Variants in TECTA observed in about 807,000 individuals in gnomAD.
TECTA encodes tectorin alpha.
A neutral mutation model predicts 216.8 loss-of-function variants in TECTA; 128 were observed. The ratio of observed to expected loss-of-function variants is 0.59; its 90% CI spans 0.51 to 0.68. The LOEUF (loss-of-function observed/expected upper bound fraction) is 0.68, where lower values mean the gene tolerates loss of function less well. Ranked by LOEUF, TECTA falls within the 30% of genes least tolerant of loss-of-function variation. The pLI is 0.00. For missense variants in TECTA, 2,551 were observed against 2,786.2 expected, an observed-to-expected ratio of 0.92 and a Z score of 1.90; for synonymous variants, 1,089 against 1,117.1, an observed-to-expected ratio of 0.97 and a Z score of 0.50.
chr11:121,115,626 C>T (rs572082991), intron 6 of TECTA, among the ~76,000 whole-genome samples: 5 of 152,100 alleles, frequency 3.3e-5, no homozygotes, highest in Admixed American at 6.5e-5. Flanking sequence ...TCTTTCTTGG[C>T]TCAGATTCAA....
intron 4 of TECTA, 170 bp downstream of exon 4, chr11:121,109,668 G>A: frequency 1.4e-6 from 1 of 730,456 alleles, no homozygotes; most frequent in East Asian, 2.7e-5. Context: ...AACTATCACA[G>A]TTAACCAGCC....
At chr11:121,147,800 AG>A (rs960709180) in intron 12 of TECTA, among the ~76,000 whole-genome samples, 2 of 152,166 alleles carry the variant, frequency 1.3e-5, no homozygotes, top group African/African-American at 2.4e-5. Flanking sequence ...TACTGCTCCC[AG>A]GGTGGCTGGG....
chr11:121,113,331 G>A lies in TECTA; in HGVS notation c.624+122G>A. On this transcript the variant is annotated intron_variant, in intron 5 of 23. Transcript: ENST00000392793. The surrounding 1 kb of genome is among the most constrained non-coding windows in gnomAD (Gnocchi z 4.2). ...TAACTAGAGACGCAGGTCTGATCTC[G>A]CAGGTGGACTACGAGGCTAGTCCTG... 7.7e-6 allele frequency: 12 copies of A among 1,558,358 alleles called. No individual in the cohort carries two copies. The highest frequency in any genetic ancestry group is 1.1e-5 in the Non-Finnish European group (12 of 1,141,108).
chr11:121,169,808 A>G (rs912857263), intron 20 of TECTA, among the ~76,000 whole-genome samples: 2 of 152,166 alleles, frequency 1.3e-5, no homozygotes, highest in African/African-American at 4.8e-5. Context: ...TAGTGCTCAG[A>G]TCAGGGAATT....
At chr11:121,117,750 G>A (rs1439423562) in intron 6 of TECTA, among the ~76,000 whole-genome samples, 1 of 152,140 alleles carries the variant, frequency 6.6e-6, no homozygotes, top group Non-Finnish European at 1.5e-5. Flanking sequence ...GCAAGAAAGT[G>A]GTCAGTGCTT....
chr11:121,146,173 G>A (rs1343534891), intron 12 of TECTA, 57 bp downstream of exon 12: 3 of 1,590,286 alleles, frequency 1.9e-6, no homozygotes, highest in East Asian at 2.2e-5. Context: ...ATTGCTCTGG[G>A]AAGGCCAGTC....
Position 121,162,359 on chromosome 11 carries a change from A to C in TECTA, c.5261A>C (p.Lys1754Thr). Residue 1754 changes from lysine to threonine, a missense_variant, in exon 16 of 24, where the codon AAG becomes ACG. Lys to Thr is a moderately conservative substitution (Grantham distance 78). Transcript: ENST00000392793. ...ATCCTTAGCACCGAGTGGATTGAGA[A>C]GGAGAATTGCTGTAAGAGAATTATT... Reference protein sequence around the residue: ...FGILSTEWIEKENCSGVVEDP... With the variant: ...FGILSTEWIETENCSGVVEDP... The C allele has an allele frequency of 6.2e-7, 1 of 1,613,216 alleles. No homozygotes were observed. Among genetic ancestry groups the C allele is most frequent in the Non-Finnish European group, 8.5e-7 (1 of 1,180,038 alleles).
intron 3 of TECTA, among the ~76,000 whole-genome samples, chr11:121,108,277 C>T (rs1422381315): frequency 6.6e-6 from 1 of 151,778 alleles, no homozygotes; most frequent in Non-Finnish European, 1.5e-5. Context: ...ATGCCACCCC[C>T]AGTACACACA....
At chr11:121,137,204 ACG>A in intron 10 of TECTA, among the ~76,000 whole-genome samples, 2 of 152,142 alleles carry the variant, frequency 1.3e-5, no homozygotes, top group Admixed American at 1.3e-4. Context: ...ACGTACACAC[ACG>A]CACTCGCACA....
At chr11:121,102,962 C>T (rs1946360497) in intron 2 of TECTA, among the ~76,000 whole-genome samples, 1 of 152,224 alleles carries the variant, frequency 6.6e-6, no homozygotes, top group South Asian at 2.1e-4. Context: ...TATGTACCAG[C>T]TTGCCCTGTG....
At chr11:121,172,414 C>A (rs1234128964) in intron 20 of TECTA, among the ~76,000 whole-genome samples, 2 of 151,896 alleles carry the variant, frequency 1.3e-5, no homozygotes, top group African/African-American at 4.9e-5. Flanking sequence ...GTCCAGTTCC[C>A]ACCTATGAGT....
At chr11:121,104,409 G>A (rs747196173) in intron 2 of TECTA, among the ~76,000 whole-genome samples, 3 of 152,000 alleles carry the variant, frequency 2.0e-5, no homozygotes, top group South Asian at 4.2e-4. Context: ...CCTCAAATTC[G>A]GGCTGCTTCT....
At chr11:121,153,523 A>G (rs1476260961) in intron 13 of TECTA, among the ~76,000 whole-genome samples, 1 of 152,118 alleles carries the variant, frequency 6.6e-6, no homozygotes, top group African/African-American at 2.4e-5. Flanking sequence ...CTGGAGGCTG[A>G]GTGGGGCGGA....
intron 7 of TECTA, among the ~76,000 whole-genome samples, chr11:121,122,699 C>T (rs1264809317): frequency 9.4e-6 from 1 of 106,620 alleles, no homozygotes; most frequent in Non-Finnish European, 2.0e-5. Context: ...AAAAAGAAAG[C>T]CAAAATAGCC....
rs560841586 is a variant in TECTA, at chr11:121,112,982, G to T, written c.487-90G>T. Reference sequence around the variant, plus strand: ...GAGCAGCTCTGAGCTGCCTGTGGGTGGGGAGGGCGCAGGGTGAAGGGAGGA... The same window carrying T: ...GAGCAGCTCTGAGCTGCCTGTGGGTTGGGAGGGCGCAGGGTGAAGGGAGGA... On this transcript the variant is annotated intron_variant, in intron 4 of 23. Transcript: ENST00000392793. 2.1e-5 allele frequency: 32 copies of T among 1,536,866 alleles called. No homozygotes were observed. The African/African-American group carries it at 4.2e-4, about 20-fold the overall frequency.
intron 20 of TECTA, among the ~76,000 whole-genome samples, chr11:121,182,525 A>T (rs1947240070): frequency 6.6e-6 from 1 of 152,176 alleles, no homozygotes; most frequent in Non-Finnish European, 1.5e-5. Flanking sequence ...TGGGAGTGGC[A>T]AGCAGGGCAG....
chr11:121,118,481 C>T lies in TECTA; in HGVS notation c.966C>T (p.Cys322=), dbSNP rs770416583. 97 of 1,614,094 alleles carry T rather than the reference C, an allele frequency of 6.0e-5. No individual in the cohort carries two copies. Among genetic ancestry groups the T allele is most frequent in the East Asian group, 5.6e-4 (25 of 44,902 alleles). The change falls in exon 7 of 24, where the codon TGC becomes TGT. Residue 322 remains cysteine (C), a synonymous_variant. Transcript: ENST00000392793. The part of the protein sequence containing the change: ...FYCSAVETST[C]VVFGEPHYHT... ...GCAGCGCTGTGGAGACCAGCACATG[C>T]GTGGTGTTTGGGGAGCCACACTACC...
At chr11:121,153,773 C>G (rs1204685023) in intron 13 of TECTA, among the ~76,000 whole-genome samples, 1 of 152,178 alleles carries the variant, frequency 6.6e-6, no homozygotes, top group Non-Finnish European at 1.5e-5. Context: ...ACTTTTTGGA[C>G]TTTGTAATCT....
chr11:121,133,328 G>A (rs1946693418), intron 10 of TECTA, among the ~76,000 whole-genome samples: 2 of 152,002 alleles, frequency 1.3e-5, no homozygotes, highest in African/African-American at 2.4e-5. Context: ...CTTAGAGTAG[G>A]GGCATTTATA....
Sources: allele counts gnomAD v4.1 joint callset (sites outside exome capture counted in the v4.1 genomes callset), GRCh38; gene constraint gnomAD v4.1.1; non-coding constraint Gnocchi (gnomAD v3.1); transcripts MANE v1.5; gene names NCBI Gene and HGNC (gene_info 2026-07-23, HGNC 2026-07-21).